Variants in MSANTD7 observed in about 807,000 individuals in gnomAD.
MSANTD7 encodes zinc finger and SCAN domain containing 29.
At chr10:14,844,772 C>T in the MSANTD7 span, 29 of 983,876 alleles carry the variant, frequency 2.9e-5, no homozygotes, top group African/African-American at 4.7e-4. Context: ...CCTTTATATG[C>T]CTAAATTACA....
chr10:14,838,655 C>T, the MSANTD7 span: 1 of 551,248 alleles, frequency 1.8e-6, no homozygotes, highest in Non-Finnish European at 3.1e-6. Flanking sequence ...AAGTCGTCTA[C>T]TCCGCGGCGG....
the MSANTD7 span, chr10:14,844,797 T>C: frequency 1.0e-6 from 1 of 985,442 alleles, no homozygotes. Context: ...TAAGTTTCGG[T>C]TGCCATTGGA....
chr10:14,838,765 GGTCCCGGAGACAGCGGGGCCGCTGGGT>G, the MSANTD7 span, among the ~76,000 whole-genome samples: 2 of 152,120 alleles, frequency 1.3e-5, no homozygotes, highest in Admixed American at 6.5e-5. Flanking sequence ...TGCCCGGGGG[GGTCCCGGAGACAGCGGGGCCGCTGGGT>G]GTCCCGGGGG....
chr10:14,845,946 A>C, the MSANTD7 span: 10 of 848,720 alleles, frequency 1.2e-5, no homozygotes, highest in South Asian at 3.8e-4. Flanking sequence ...CTCTAAAAAA[A>C]TTTGAAATAG....
the MSANTD7 span, chr10:14,844,583 G>A: frequency 1.2e-5 from 12 of 985,200 alleles, no homozygotes; most frequent in African/African-American, 1.7e-5. Flanking sequence ...TTGTCAAACC[G>A]TCTTTCTCTC....
chr10:14,844,773 C>G, the MSANTD7 span: 3 of 984,504 alleles, frequency 3.0e-6, no homozygotes, highest in Non-Finnish European at 3.6e-6. Flanking sequence ...CTTTATATGC[C>G]TAAATTACAT....
the MSANTD7 span, chr10:14,846,319 G>C: frequency 1.0e-6 from 1 of 985,252 alleles, no homozygotes; most frequent in African/African-American, 1.7e-5. Flanking sequence ...TGGTAGCAAA[G>C]TGCATAAGAC....
chr10:14,838,371 C>G, the MSANTD7 span: 1 of 1,582,824 alleles, frequency 6.3e-7, no homozygotes, highest in Middle Eastern at 1.9e-4. Context: ...GGGGGACCCC[C>G]TCATTCCTGC....
the MSANTD7 span, chr10:14,842,839 G>C: frequency 2.6e-6 from 4 of 1,529,928 alleles, no homozygotes; most frequent in South Asian, 3.6e-5. This position sits in a 1 kb window ranked among gnomAD's most constrained non-coding sequence, Gnocchi z 5.2. Context: ...ATGAATCCTC[G>C]GGTGCAGGTA....
chr10:14,845,591 T>A, the MSANTD7 span: 1 of 936,986 alleles, frequency 1.1e-6, no homozygotes, highest in Non-Finnish European at 1.3e-6. Context: ...CCTTTTCTAT[T>A]ATTATTATTT....
the MSANTD7 span, chr10:14,843,516 G>A: frequency 6.4e-7 from 1 of 1,550,658 alleles, no homozygotes; most frequent in South Asian, 1.2e-5. Context: ...GCACTCCTGG[G>A]GTAGCCTCCA....
the MSANTD7 span, among the ~76,000 whole-genome samples, chr10:14,841,465 C>A: frequency 6.6e-6 from 1 of 152,148 alleles, no homozygotes; most frequent in Non-Finnish European, 1.5e-5. Flanking sequence ...ACATCAAACA[C>A]ATTGCTGGAT....
the MSANTD7 span, chr10:14,838,436 T>C: frequency 2.5e-6 from 4 of 1,606,378 alleles, no homozygotes; most frequent in Non-Finnish European, 3.4e-6. Context: ...GGGCTGCACC[T>C]CAGCCTGTGT....
At chr10:14,842,102 C>T in the MSANTD7 span, 2 of 1,476,248 alleles carry the variant, frequency 1.4e-6, 1 homozygote, top group Admixed American at 3.9e-5. This position sits in a 1 kb window ranked among gnomAD's most constrained non-coding sequence, Gnocchi z 5.2. Flanking sequence ...TTACACCCTT[C>T]CTGTAACTCT....
the MSANTD7 span, chr10:14,846,620 G>GT: frequency 1.0e-6 from 1 of 957,600 alleles, no homozygotes; most frequent in Non-Finnish European, 1.2e-6. Flanking sequence ...CATAACTCAG[G>GT]TTCCTCATTT....
the MSANTD7 span, chr10:14,844,168 A>T: frequency 1.6e-6 from 2 of 1,266,690 alleles, no homozygotes; most frequent in Non-Finnish European, 2.0e-6. Context: ...GATGTGAAGC[A>T]GTTTACCTCC....
chr10:14,845,484 G>C, the MSANTD7 span: 1 of 985,370 alleles, frequency 1.0e-6, no homozygotes, highest in African/African-American at 1.7e-5. Flanking sequence ...AGGGATGGAG[G>C]TGTGAGGCGG....
the MSANTD7 span, chr10:14,844,327 A>G: frequency 1.9e-6 from 2 of 1,046,116 alleles, no homozygotes; most frequent in African/African-American, 1.7e-5. Context: ...TTATTAATTC[A>G]TATGGCCTTG....
the MSANTD7 span, chr10:14,838,360 TG>T: frequency 1.9e-6 from 3 of 1,568,236 alleles, no homozygotes; most frequent in Non-Finnish European, 8.6e-7. Flanking sequence ...CTGTTGCTGT[TG>T]GGGGACCCCC....
Sources: allele counts gnomAD v4.1 joint callset (sites outside exome capture counted in the v4.1 genomes callset), GRCh38; gene constraint gnomAD v4.1.1; non-coding constraint Gnocchi (gnomAD v3.1); transcripts MANE v1.5; gene names NCBI Gene and HGNC (gene_info 2026-07-23, HGNC 2026-07-21).